Variants in DCC observed in about 807,000 individuals in gnomAD.
DCC encodes the protein netrin receptor DCC.
DCC carries 58 observed loss-of-function variants against 172.5 expected under a neutral mutation model. That is an observed-to-expected ratio of 0.34 (90% CI 0.27 to 0.42). The LOEUF (loss-of-function observed/expected upper bound fraction) is 0.42, where lower values mean the gene tolerates loss of function less well. Ranked by LOEUF, DCC falls within the 10% of genes least tolerant of loss-of-function variation. The pLI is 1.00. For synonymous variants in DCC, 709 were observed against 644.5 expected, an observed-to-expected ratio of 1.10 and a Z score of -1.52; for missense variants, 1,740 against 1,791.0, an observed-to-expected ratio of 0.97 and a Z score of 0.51.
chr18:52,856,052 A>C (rs971644084), intron 2 of DCC, among the ~76,000 whole-genome samples: 1 of 151,198 alleles, frequency 6.6e-6, no homozygotes, highest in Non-Finnish European at 1.5e-5. Flanking sequence ...GGCGTGAGCC[A>C]CCGCGCCCCG....
At chr18:53,437,457 G>A (rs1912016922) in intron 22 of DCC, among the ~76,000 whole-genome samples, 4 of 151,776 alleles carry the variant, frequency 2.6e-5, no homozygotes, top group Admixed American at 2.6e-4. Context: ...GCACGCACCT[G>A]TAGTCCCAGG....
intron 27 of DCC, among the ~76,000 whole-genome samples, chr18:53,518,500 T>G (rs1455863577): frequency 6.6e-6 from 1 of 152,058 alleles, no homozygotes; most frequent in Admixed American, 6.6e-5. Context: ...ACCTAATGAG[T>G]AAATGAAATG....
chr18:52,699,851 T>G (rs1047367131), intron 1 of DCC, among the ~76,000 whole-genome samples: 6 of 152,228 alleles, frequency 3.9e-5, no homozygotes, highest in African/African-American at 1.4e-4. Context: ...ACAATTTTAT[T>G]AAAATATAAT....
intron 2 of DCC, among the ~76,000 whole-genome samples, chr18:52,863,404 GT>G: frequency 6.6e-6 from 1 of 151,730 alleles, no homozygotes; most frequent in Non-Finnish European, 1.5e-5. Flanking sequence ...TATCGTATAA[GT>G]TTTAAAAGCA....
chr18:52,621,105 G>A (rs1168421482), intron 1 of DCC, among the ~76,000 whole-genome samples: 2 of 152,200 alleles, frequency 1.3e-5, no homozygotes, highest in Non-Finnish European at 2.9e-5. Flanking sequence ...GGGCATGGCT[G>A]CTAGCCGCCA....
chr18:52,491,791 T>G (rs1410609371), intron 1 of DCC, among the ~76,000 whole-genome samples: 1 of 152,078 alleles, frequency 6.6e-6, no homozygotes, highest in African/African-American at 2.4e-5. Context: ...GTAGCTGGTT[T>G]GTTTACAACG....
intron 1 of DCC, among the ~76,000 whole-genome samples, chr18:52,370,375 C>T (rs966491101): frequency 2.0e-5 from 3 of 152,104 alleles, no homozygotes; most frequent in African/African-American, 4.8e-5. Context: ...GGTACATATA[C>T]ACCATGGAAT....
intron 5 of DCC, among the ~76,000 whole-genome samples, chr18:52,987,820 C>G (rs958441578): frequency 1.3e-5 from 2 of 152,204 alleles, no homozygotes; most frequent in Non-Finnish European, 2.9e-5. Context: ...TGTGTTTCAA[C>G]TCACATAACA....
At chr18:53,023,401 C>CAAAAAAAAAAAAAAAAAAAAA (rs869070422) in intron 5 of DCC, among the ~76,000 whole-genome samples, 3 of 24,428 alleles carry the variant, frequency 1.2e-4, no homozygotes, top group Admixed American at 4.2e-4. Context: ...TAACTCAGAC[C>CAAAAAAAAAAAAAAAAAAAAA]AAAAAAAAAA....
intron 2 of DCC, among the ~76,000 whole-genome samples, chr18:52,881,796 G>C (rs1188483715): frequency 1.3e-5 from 2 of 151,970 alleles, no homozygotes; most frequent in Admixed American, 6.6e-5. Flanking sequence ...GTCTTCTGTG[G>C]TTCCATATAA....
chr18:53,090,327 T>C (rs2042983903), intron 7 of DCC, among the ~76,000 whole-genome samples: 1 of 152,054 alleles, frequency 6.6e-6, no homozygotes, highest in African/African-American at 2.4e-5. Context: ...GTGAAAAATA[T>C]CTTTTCTGGG....
chr18:52,602,040 G>C (rs1303387882), intron 1 of DCC, among the ~76,000 whole-genome samples: 1 of 152,016 alleles, frequency 6.6e-6, no homozygotes, highest in African/African-American at 2.4e-5. Flanking sequence ...TTAAAGGTAA[G>C]GGAGCATCAC....
rs534242251 is a variant in DCC, at chr18:52,723,140, G to A, written c.92-28914G>A. 3.9e-5 allele frequency among the ~76,000 whole-genome samples: 6 copies of A among 152,114 alleles called. No homozygotes were observed. In the East Asian group the frequency reaches 1.2e-3, roughly 29 times the overall value. ...CTCCCTCCCTTTCTCTCACTCTCCG[G>A]AAATTCATAGGATGTTCTCTTTTGT... On this transcript the variant is annotated intron_variant, in intron 1 of 28. Coordinates refer to ENST00000442544, the MANE Select transcript of DCC (RefSeq NM_005215.4).
At chr18:53,278,427 A>G (rs1158319325) in intron 12 of DCC, among the ~76,000 whole-genome samples, 1 of 152,130 alleles carries the variant, frequency 6.6e-6, no homozygotes, top group Non-Finnish European at 1.5e-5. Context: ...GTCTATATCT[A>G]TTGTATGCAT....
intron 1 of DCC, among the ~76,000 whole-genome samples, chr18:52,695,135 C>T (rs2035992372): frequency 6.6e-6 from 1 of 152,186 alleles, no homozygotes; most frequent in Non-Finnish European, 1.5e-5. Context: ...GCCTCTCATT[C>T]TCTCCTGCAT....
chr18:52,501,133 G>A (rs1329041752), intron 1 of DCC, among the ~76,000 whole-genome samples: 3 of 152,078 alleles, frequency 2.0e-5, no homozygotes, highest in African/African-American at 4.8e-5. Flanking sequence ...TCGCACGTTG[G>A]TAATTTTATA....
chr18:52,626,229 T>C (rs1483461050), intron 1 of DCC, among the ~76,000 whole-genome samples: 1 of 152,154 alleles, frequency 6.6e-6, no homozygotes, highest in Admixed American at 6.5e-5. Flanking sequence ...CTCCTCACAA[T>C]TTTTTCTTCC....
intron 1 of DCC, among the ~76,000 whole-genome samples, chr18:52,374,109 G>A (rs1298599435): frequency 6.6e-6 from 1 of 151,768 alleles, no homozygotes; most frequent in African/African-American, 2.4e-5. Context: ...AGCCAGGATG[G>A]TCTCGATCTC....
At chr18:53,403,257 C>A (rs1909440563) in intron 19 of DCC, among the ~76,000 whole-genome samples, 1 of 151,636 alleles carries the variant, frequency 6.6e-6, no homozygotes, top group African/African-American at 2.4e-5. Context: ...GGTTGTTTGG[C>A]AATTATGAAA....
Sources: allele counts gnomAD v4.1 joint callset (sites outside exome capture counted in the v4.1 genomes callset), GRCh38; gene constraint gnomAD v4.1.1; transcripts MANE v1.5; gene names NCBI Gene and HGNC (gene_info 2026-07-23, HGNC 2026-07-21).